Variants in AKAP7 observed in about 807,000 individuals in gnomAD.
AKAP7 encodes A kinase (PRKA) anchor protein 7.
AKAP7 carries 39 observed loss-of-function variants against 39.5 expected under a neutral mutation model. The ratio of observed to expected loss-of-function variants is 0.99; its 90% CI spans 0.76 to 1.29. The LOEUF (loss-of-function observed/expected upper bound fraction) is 1.29. Among genes scored for constraint, AKAP7 ranks in the 50% most tolerant of loss-of-function variants. The pLI is 0.00. For missense variants in AKAP7, 414 were observed against 407.7 expected, an observed-to-expected ratio of 1.02 and a Z score of -0.13; for synonymous variants, 140 against 139.1, an observed-to-expected ratio of 1.01 and a Z score of -0.05.
At chr6:131,233,276 A>G (rs1810779831) in intron 7 of AKAP7, among the ~76,000 whole-genome samples, 2 of 152,200 alleles carry the variant, frequency 1.3e-5, no homozygotes, top group Admixed American at 6.6e-5. Flanking sequence ...AAAGAGCTCA[A>G]ACTACAGAGG....
intron 7 of AKAP7, among the ~76,000 whole-genome samples, chr6:131,269,980 C>T (rs1011793061): frequency 5.9e-5 from 9 of 152,178 alleles, no homozygotes; most frequent in African/African-American, 1.2e-4. Flanking sequence ...ATGCTAATTG[C>T]GGAGTGACAG....
chr6:131,133,892 G>A (rs1356592548), upstream of AKAP7, among the ~76,000 whole-genome samples: 1 of 152,198 alleles, frequency 6.6e-6, no homozygotes, highest in Non-Finnish European at 1.5e-5. Flanking sequence ...GTATGGGAAG[G>A]TTACTAGAAA....
intron 7 of AKAP7, among the ~76,000 whole-genome samples, chr6:131,235,964 C>G (rs1811018540): frequency 1.3e-5 from 2 of 152,204 alleles, no homozygotes; most frequent in Non-Finnish European, 2.9e-5. Flanking sequence ...GTGTTTTAGA[C>G]ATGAAGTCCT....
At chr6:131,280,173 C>A (rs1346422496) in intron 7 of AKAP7, among the ~76,000 whole-genome samples, 1 of 152,114 alleles carries the variant, frequency 6.6e-6, no homozygotes, top group Non-Finnish European at 1.5e-5. Flanking sequence ...ACATATTTTG[C>A]ACTGCAGATG....
chr6:131,209,906 G>C (rs1426642151), intron 6 of AKAP7, among the ~76,000 whole-genome samples: 2 of 152,150 alleles, frequency 1.3e-5, no homozygotes, highest in African/African-American at 4.8e-5. Context: ...TTCCAAAATG[G>C]TGTTGATGCA....
intron 3 of AKAP7, chr6:131,164,591 A>T: frequency 2.9e-6 from 1 of 350,834 alleles, no homozygotes; most frequent in Non-Finnish European, 5.7e-6. Flanking sequence ...AAAAAATCTT[A>T]AAGGCCATGA....
At chr6:131,155,170 T>G (rs564990634) in intron 2 of AKAP7, among the ~76,000 whole-genome samples, 1 of 152,222 alleles carries the variant, frequency 6.6e-6, no homozygotes, top group African/African-American at 2.4e-5. Flanking sequence ...CATACCACAA[T>G]GCCTGGTTAA....
chr6:131,193,740 C>T (rs558612581), intron 5 of AKAP7, among the ~76,000 whole-genome samples: 4 of 152,092 alleles, frequency 2.6e-5, no homozygotes, highest in African/African-American at 9.6e-5. Flanking sequence ...TGTTATTGGT[C>T]TGTTCAGGTT....
chr6:131,263,195 T>C (rs532974179), intron 7 of AKAP7, among the ~76,000 whole-genome samples: 44 of 152,278 alleles, frequency 2.9e-4, no homozygotes, highest in African/African-American at 1.0e-3. Flanking sequence ...GCAAACAACA[T>C]GAAAGGGGTA....
chr6:131,236,637 A>T (rs1811087109), intron 7 of AKAP7, among the ~76,000 whole-genome samples: 1 of 152,208 alleles, frequency 6.6e-6, no homozygotes, highest in East Asian at 1.9e-4. Flanking sequence ...TGTAAGTTGG[A>T]TTCCTAGGTA....
chr6:131,241,619 G>GTATATATA (rs1562238108), intron 7 of AKAP7, among the ~76,000 whole-genome samples: 2 of 70,976 alleles, frequency 2.8e-5, no homozygotes, highest in Admixed American at 1.2e-4. Context: ...GTGTGTGTGT[G>GTATATATA]TGTGTGTGTA....
intron 6 of AKAP7, among the ~76,000 whole-genome samples, chr6:131,207,491 A>ATATTTTTTTTTTTTTTTTTTTTTT (rs1554211848): frequency 2.5e-5 from 2 of 78,806 alleles, no homozygotes; most frequent in African/African-American, 9.9e-5. Flanking sequence ...GCTAATTAAA[A>ATATTTTTTTTTTTTTTTTTTTTTT]TTTTTTTTTT....
rs1813044440 is a variant in AKAP7, at chr6:131,258,470, AC to A, written c.851-23058del. Among the ~76,000 whole-genome samples, 3 of 152,354 alleles carry A rather than the reference AC, an allele frequency of 2.0e-5. No homozygotes were observed. In the South Asian group the frequency reaches 6.2e-4, roughly 32 times the overall value. ...TTAATTACTACCCAAATTGGAAATT[AC>A]CTTAAGCTTCTATCCCAGGCAGGAT... On this transcript the variant is annotated intron_variant, in intron 7 of 7. Transcript: ENST00000431975.
At chr6:131,209,497 G>A (rs1442240346) in intron 6 of AKAP7, among the ~76,000 whole-genome samples, 5 of 152,130 alleles carry the variant, frequency 3.3e-5, no homozygotes, top group Middle Eastern at 3.4e-3. Context: ...TGATCCACCC[G>A]CCTCGGCCTC....
At chr6:131,169,085 T>A in intron 4 of AKAP7, 28 bp from the exon 5 acceptor site, 1 of 1,550,992 alleles carries the variant, frequency 6.4e-7, no homozygotes, top group East Asian at 2.2e-5. Flanking sequence ...CTTAATGTGT[T>A]ACTGAAAAAT....
intron 5 of AKAP7, among the ~76,000 whole-genome samples, chr6:131,178,117 GT>G (rs1375369440): frequency 6.6e-6 from 1 of 152,154 alleles, no homozygotes; most frequent in Non-Finnish European, 1.5e-5. Context: ...TGAGGATTTT[GT>G]TTCATAGCTC....
At chr6:131,232,821 A>C (rs1585140140) in intron 7 of AKAP7, among the ~76,000 whole-genome samples, 1 of 151,996 alleles carries the variant, frequency 6.6e-6, no homozygotes. Flanking sequence ...TTACTTATTC[A>C]TATCCATAGC....
chr6:131,201,030 A>AT (rs1215657679), intron 6 of AKAP7: 1 of 152,226 alleles, frequency 6.6e-6, no homozygotes, highest in Non-Finnish European at 1.5e-5. Context: ...TTCAAACTGC[A>AT]TTTAAATGAT....
intron 5 of AKAP7, among the ~76,000 whole-genome samples, chr6:131,186,927 A>G (rs1805923158): frequency 6.6e-6 from 1 of 152,098 alleles, no homozygotes; most frequent in Non-Finnish European, 1.5e-5. Flanking sequence ...CATAGCAACC[A>G]TATATGTGAG....
Sources: allele counts gnomAD v4.1 joint callset (sites outside exome capture counted in the v4.1 genomes callset), GRCh38; gene constraint gnomAD v4.1.1; transcripts MANE v1.5; gene names NCBI Gene and HGNC (gene_info 2026-07-23, HGNC 2026-07-21).